RGS3: variants seen among roughly 807,000 people sequenced by gnomAD.
RGS3 encodes the protein regulator of G protein signaling 3, also known as regulator of G-protein signalling 3.
In RGS3, 80 loss-of-function variants were observed where a neutral mutation model predicts 132.6. That is an observed-to-expected ratio of 0.60 (90% CI 0.50 to 0.73). RGS3 has a LOEUF of 0.73. Among genes scored for constraint, RGS3 ranks in the 30% least tolerant of loss-of-function variants. The probability of loss-of-function intolerance (pLI) is 0.00; values close to 1 mark genes in which losing one functional copy is unlikely to be tolerated. For missense variants in RGS3, 1,382 were observed against 1,530.8 expected (o/e 0.90, Z 1.62); for synonymous variants, 598 against 620.6 (o/e 0.96, Z 0.54).
chr9:113,593,827 C>T, intron 21 of RGS3: 1 of 1,275,062 alleles, frequency 7.8e-7, no homozygotes, highest in Non-Finnish European at 1.1e-6. Context: ...TCCTGCCACC[C>T]CGGTGGTGGG....
At chr9:113,504,264 G>C (rs907386692) in intron 10 of RGS3, among the ~76,000 whole-genome samples, 1 of 152,196 alleles carries the variant, frequency 6.6e-6, no homozygotes, top group Non-Finnish European at 1.5e-5. Context: ...CAAGCTTGCT[G>C]AGCTGGCCTT....
chr9:113,576,893 G>C (rs1834551952), intron 19 of RGS3, among the ~76,000 whole-genome samples: 1 of 152,226 alleles, frequency 6.6e-6, no homozygotes, highest in African/African-American at 2.4e-5. Context: ...ATCCTGGTGG[G>C]GGATGACAGT....
chr9:113,484,099 T>G (rs1830247702), intron 5 of RGS3, 39 bp from the exon 4 acceptor site: 3 of 1,269,412 alleles, frequency 2.4e-6, no homozygotes, highest in Non-Finnish European at 3.5e-6. Context: ...AGGTGGGCCA[T>G]GAGATCCGCT....
chr9:113,522,977 C>T (rs762601909), exon 17 of RGS3: 23 of 1,614,002 alleles, frequency 1.4e-5, no homozygotes, highest in Admixed American at 5.0e-5. Flanking sequence ...CCAAGGAGGA[C>T]GAGCCTGGCC....
At chr9:113,594,766 C>G (rs892320399) in intron 22 of RGS3, among the ~76,000 whole-genome samples, 153 bp from the exon 21 acceptor site, 1 of 152,088 alleles carries the variant, frequency 6.6e-6, no homozygotes, top group Non-Finnish European at 1.5e-5. Context: ...ACCCTGGCCC[C>G]GGGAAAGAGG....
upstream of RGS3, among the ~76,000 whole-genome samples, chr9:113,459,025 A>T (rs1345073454): frequency 6.6e-6 from 1 of 152,268 alleles, no homozygotes; most frequent in African/African-American, 2.4e-5. Flanking sequence ...TGTTGGGATG[A>T]CAGGCATGAG....
At chr9:113,479,433 T>G in intron 3 of RGS3, 58 bp from the exon 2 acceptor site, 1 of 1,546,722 alleles carries the variant, frequency 6.5e-7, no homozygotes, top group South Asian at 1.1e-5. Flanking sequence ...CCTCTAGTTT[T>G]TTCCACCACA....
intron 20 of RGS3, among the ~76,000 whole-genome samples, chr9:113,587,393 G>A (rs528445589): frequency 6.6e-6 from 1 of 152,296 alleles, no homozygotes; most frequent in Admixed American, 6.5e-5. Flanking sequence ...AAGTGTTCAG[G>A]CTGTGGAGTC....
chr9:113,561,585 A>ATTTT (rs1833788493), intron 19 of RGS3, among the ~76,000 whole-genome samples: 1 of 130,700 alleles, frequency 7.7e-6, no homozygotes, highest in African/African-American at 3.1e-5. Flanking sequence ...GCTAATTTTT[A>ATTTT]ATTTTTTTTT....
chr9:113,523,168 TC>T, intron 17 of RGS3, 127 bp downstream of exon 15: 1 of 670,946 alleles, frequency 1.5e-6, no homozygotes, highest in Non-Finnish European at 2.7e-6. Context: ...CTGGGCTCTG[TC>T]CATGGGCTAG....
Position 113,507,194 on chromosome 9 carries a change from C to G in RGS3, c.1086-93C>G. The G allele has an allele frequency of 9.9e-7, 1 of 1,007,170 alleles. No homozygotes were observed. Among genetic ancestry groups the G allele is most frequent in the Non-Finnish European group, 1.5e-6 (1 of 686,056 alleles). The allele number at this position is 1,007,170 out of a possible 1,614,324, so 62.4% of individuals were successfully genotyped here. A position where few individuals can be genotyped will look rare whatever the true frequency, so the allele number is the denominator to read the frequency against. ...TCCCCTCTGGTGTCTGCCTCCTCTT[C>G]CCCCATTATCCTCTCTGCCCTGTGG... On this transcript the variant is annotated intron_variant, in intron 12 of 24. Coordinates refer to ENST00000350696, the Ensembl canonical transcript of RGS3. This position sits in a 1 kb window ranked among gnomAD's most constrained non-coding sequence, Gnocchi z 5.0.
At chr9:113,559,822 C>T in intron 19 of RGS3, among the ~76,000 whole-genome samples, 1 of 152,212 alleles carries the variant, frequency 6.6e-6, no homozygotes, top group East Asian at 1.9e-4. Flanking sequence ...CTGTTAGCCC[C>T]TCAACAGGTG....
chr9:113,469,913 T>G (rs551554108), intron 3 of RGS3, among the ~76,000 whole-genome samples: 21 of 151,984 alleles, frequency 1.4e-4, no homozygotes, highest in South Asian at 4.2e-4. Flanking sequence ...TTTTTTTTTT[T>G]TTGTCGTTGT....
chr9:113,580,665 G>A (rs1021396135), intron 19 of RGS3: 7 of 339,260 alleles, frequency 2.1e-5, no homozygotes, highest in Non-Finnish European at 2.5e-5. Context: ...TTAGTTTCTC[G>A]GCTGATCTCT....
Position 113,565,105 on chromosome 9 carries a change from A to T in RGS3, c.2038-18345A>T. On this transcript the variant is annotated intron_variant, in intron 19 of 24. Transcript: ENST00000350696. The surrounding 1 kb of genome is among the most constrained non-coding windows in gnomAD (Gnocchi z 5.7). ...GGGATGGACGCCTCTCCCCCGGAGC[A>T]GCACTTTGGGGCCAGCTTGGGCCCT... The T allele has an allele frequency of 4.3e-6, 5 of 1,166,836 alleles. No homozygotes were observed. The highest frequency in any genetic ancestry group is 5.4e-6 in the Non-Finnish European group (5 of 930,678). 72.3% of individuals were successfully genotyped at this position (1,166,836 alleles called of 1,614,324 possible).
intron 20 of RGS3, among the ~76,000 whole-genome samples, chr9:113,589,619 C>T (rs1835309449): frequency 6.6e-6 from 1 of 152,210 alleles, no homozygotes; most frequent in Non-Finnish European, 1.5e-5. Context: ...AAGCCCAGGG[C>T]CCGAGGGCTC....
In RGS3 at chr9:113,565,361, G is replaced by T; in HGVS notation, c.2038-18089G>T. The T allele has an allele frequency of 7.8e-7, 1 of 1,289,778 alleles. No individual in the cohort carries two copies. Among genetic ancestry groups the T allele is most frequent in the Non-Finnish European group, 1.0e-6 (1 of 988,548 alleles). 79.9% of individuals were successfully genotyped at this position (1,289,778 alleles called of 1,614,324 possible). ...GAGTGGCGGTGGCCGGCTAGACAGGGTGTGTGTTTGGGAAAGGCGCTGGAG... is the reference window on the plus strand; with the variant it reads ...GAGTGGCGGTGGCCGGCTAGACAGGTTGTGTGTTTGGGAAAGGCGCTGGAG... On this transcript the variant is annotated intron_variant, in intron 19 of 24. Coordinates refer to ENST00000350696, the Ensembl canonical transcript of RGS3. This position sits in a 1 kb window ranked among gnomAD's most constrained non-coding sequence, Gnocchi z 5.7.
chr9:113,503,048 A>G (rs1830967961), intron 10 of RGS3, among the ~76,000 whole-genome samples: 1 of 152,202 alleles, frequency 6.6e-6, no homozygotes, highest in South Asian at 2.1e-4. Context: ...TCTAGGCAGG[A>G]CAGAGGAACA....
At chr9:113,464,042 T>G (rs779378823) in intron 3 of RGS3, among the ~76,000 whole-genome samples, 161 bp downstream of exon 1, 5 of 152,188 alleles carry the variant, frequency 3.3e-5, no homozygotes, top group Non-Finnish European at 7.3e-5. Context: ...CAGGAGGGGC[T>G]CAGGGCACAG....
Sources: gnomAD v4.1 joint callset for allele counts (sites outside exome capture counted in the v4.1 genomes callset) on GRCh38, gnomAD v4.1.1 for gene constraint, Gnocchi (gnomAD v3.1) non-coding constraint, MANE v1.5 for transcripts, NCBI Gene and HGNC (gene_info 2026-07-23, HGNC 2026-07-21) for gene names.